VNN1: variants seen among roughly 807,000 people sequenced by gnomAD.
The protein encoded by VNN1 is vanin 1.
Under a neutral mutation model 41.9 loss-of-function variants are expected in VNN1, and 29 were observed. The observed-to-expected ratio is 0.69, with a 90% CI of 0.52 to 0.94. The LOEUF (loss-of-function observed/expected upper bound fraction) is 0.94. Ranked by LOEUF, VNN1 falls within the 40% of genes least tolerant of loss-of-function variation. The pLI is 0.00. For synonymous variants in VNN1, 233 were observed against 224.4 expected, an observed-to-expected ratio of 1.04 and a Z score of -0.34; for missense variants, 637 against 621.1, an observed-to-expected ratio of 1.03 and a Z score of -0.27.
At chr6:132,698,775 C>G in intron 2 of VNN1, 1 of 200,576 alleles carries the variant, frequency 5.0e-6, no homozygotes, top group East Asian at 1.3e-4. Context: ...GGCTCAATCA[C>G]TATCAAGATG....
In VNN1 at chr6:132,683,266, T is replaced by G. The variant is rs1450460438; in HGVS notation, c.1416A>C (p.Thr472=). Residue 472 remains threonine (T), a synonymous_variant, in exon 7 of 7, where the codon ACA becomes ACC. Transcript: ENST00000367928. ...CATACAACCTCCCAAACAGAGTTAC[T>G]GTTAAGACAGGTCCGGATGTTGGCT... ...SLKPTSGPVL[T]VTLFGRLYEK... 1 of 1,614,030 alleles carries G rather than the reference T, an allele frequency of 6.2e-7. No homozygotes were observed. Among genetic ancestry groups the G allele is most frequent in the Non-Finnish European group, 8.5e-7 (1 of 1,180,018 alleles).
chr6:132,697,708 T>C (rs906615657), intron 2 of VNN1, among the ~76,000 whole-genome samples: 18 of 151,656 alleles, frequency 1.2e-4, no homozygotes, highest in African/African-American at 3.9e-4. Flanking sequence ...AGGAAAGCCA[T>C]AGCAATCATC....
In VNN1 at chr6:132,682,822, T is replaced by A. The variant is rs1778145625; in HGVS notation, c.*318A>T. ...AGTGGTAACAAGAGCAGCCTCCTTG[T>A]AAGTAAATTTTATGATAGTTCTTAT... is the stretch of plus-strand genomic sequence containing the variant. On this transcript the variant is annotated 3_prime_UTR_variant, in exon 7 of 7. Transcript: ENST00000367928. The A allele has an allele frequency of 1.2e-5, 2 of 171,748 alleles. No individual in the cohort carries two copies. Among genetic ancestry groups the A allele is most frequent in the Non-Finnish European group, 2.4e-5 (2 of 81,698 alleles). The allele number at this position is 171,748 out of a possible 1,614,324, so 10.6% of individuals were successfully genotyped here. A position where few individuals can be genotyped will look rare whatever the true frequency, so the allele number is the denominator to read the frequency against.
chr6:132,693,725 C>T (rs995697180), intron 3 of VNN1, among the ~76,000 whole-genome samples: 4 of 152,120 alleles, frequency 2.6e-5, no homozygotes, highest in African/African-American at 9.7e-5. Flanking sequence ...AGGACAAAGT[C>T]CAAAAGGCAA....
Position 132,693,325 on chromosome 6 carries a change from A to G in VNN1, c.535-10T>C. Reference sequence around the variant, plus strand: ...CCATGAAAAGGTTTTGCTGCAATAAACAGAAGATAAAGAGAAAAAAATTAT... The same window carrying G: ...CCATGAAAAGGTTTTGCTGCAATAAGCAGAAGATAAAGAGAAAAAAATTAT... On this transcript the variant is annotated splice_polypyrimidine_tract_variant and intron_variant, in intron 3 of 6. Transcript: ENST00000367928. 1 of 1,582,008 alleles carries G rather than the reference A, an allele frequency of 6.3e-7. No homozygotes were observed. Among genetic ancestry groups the G allele is most frequent in the South Asian group, 1.2e-5 (1 of 85,754 alleles).
At position 132,705,055 on chromosome 6, in the gene VNN1, A is replaced by T. The variant is rs563928581; in HGVS notation, c.341+6654T>A. On this transcript the variant is annotated intron_variant, in intron 2 of 6. Coordinates refer to ENST00000367928, the MANE Select transcript of VNN1 (RefSeq NM_004666.3). ...CTGTAATAAAAGATCTCCCAGCAAA[A>T]AAAAGCCCAGGACTTAAAGGCTTCA... 1.2e-3 allele frequency among the ~76,000 whole-genome samples: 177 copies of T among 152,212 alleles called. 2 individuals carry two copies. Among genetic ancestry groups the T allele is most frequent in the Non-Finnish European group, 1.6e-3 (111 of 67,974 alleles).
intron 2 of VNN1, among the ~76,000 whole-genome samples, chr6:132,704,959 C>G (rs1481594992): frequency 6.6e-6 from 1 of 151,952 alleles, no homozygotes; most frequent in East Asian, 1.9e-4. Context: ...TAGACACATA[C>G]AGCCTACCAA....
chr6:132,705,798 GACAA>G (rs541013403), intron 2 of VNN1, among the ~76,000 whole-genome samples: 100 of 152,084 alleles, frequency 6.6e-4, no homozygotes, highest in African/African-American at 2.3e-3. Flanking sequence ...TAATAGAACT[GACAA>G]ACAAATTCAG....
intron 2 of VNN1, among the ~76,000 whole-genome samples, chr6:132,698,190 G>A (rs535083878): frequency 4.6e-5 from 7 of 152,328 alleles, no homozygotes; most frequent in African/African-American, 1.4e-4. Flanking sequence ...AATCCATGCA[G>A]AGTTTTGCCC....
chr6:132,706,048 A>T (rs577128139), intron 2 of VNN1, among the ~76,000 whole-genome samples: 1 of 152,278 alleles, frequency 6.6e-6, no homozygotes, highest in African/African-American at 2.4e-5. Flanking sequence ...CCATGTTCAT[A>T]GATTGGAAGA....
intron 2 of VNN1, among the ~76,000 whole-genome samples, chr6:132,707,676 A>G (rs937158813): frequency 6.6e-6 from 1 of 152,260 alleles, no homozygotes; most frequent in Non-Finnish European, 1.5e-5. Context: ...AAAGGCAAAC[A>G]TCACATGTTC....
At chr6:132,684,703 T>A (rs940180404) in intron 5 of VNN1, among the ~76,000 whole-genome samples, 198 bp from the exon 6 acceptor site, 3 of 151,560 alleles carry the variant, frequency 2.0e-5, no homozygotes, top group African/African-American at 7.3e-5. Context: ...AATAATTAAA[T>A]AAACTGCTAG....
At chr6:132,692,174 C>T in intron 5 of VNN1, 49 bp downstream of exon 5, 1 of 1,496,578 alleles carries the variant, frequency 6.7e-7, no homozygotes, top group Non-Finnish European at 8.9e-7. Context: ...GTATATTTAA[C>T]TGAGTGTCTT....
chr6:132,683,879 T>C (rs1015512029), intron 6 of VNN1, among the ~76,000 whole-genome samples: 2 of 152,216 alleles, frequency 1.3e-5, no homozygotes, highest in African/African-American at 4.8e-5. Flanking sequence ...AAGTTTTTGC[T>C]TTTTTGCTAA....
chr6:132,693,381 G>A (rs1778320993), intron 3 of VNN1, 66 bp from the exon 4 acceptor site: 2 of 1,439,882 alleles, frequency 1.4e-6, no homozygotes, highest in Non-Finnish European at 1.9e-6. Flanking sequence ...ATCACAGTGT[G>A]GGAAAAAGTA....
chr6:132,690,140 G>A (rs1002808558), intron 5 of VNN1, among the ~76,000 whole-genome samples: 1 of 152,084 alleles, frequency 6.6e-6, no homozygotes, highest in African/African-American at 2.4e-5. Context: ...AGTCTTTTGG[G>A]TCTTTGCTCC....
At chr6:132,685,464 A>G (rs561326980) in intron 5 of VNN1, among the ~76,000 whole-genome samples, 7 of 152,342 alleles carry the variant, frequency 4.6e-5, no homozygotes, top group African/African-American at 1.7e-4. Flanking sequence ...TAGAATGAAC[A>G]TATGCTTCAA....
At chr6:132,706,367 C>T (rs908906622) in intron 2 of VNN1, among the ~76,000 whole-genome samples, 1 of 152,118 alleles carries the variant, frequency 6.6e-6, no homozygotes, top group East Asian at 1.9e-4. Context: ...CTACAGTGAA[C>T]TCGTCTTCAA....
intron 5 of VNN1, among the ~76,000 whole-genome samples, chr6:132,689,541 T>A (rs1778254130): frequency 6.6e-6 from 1 of 152,044 alleles, no homozygotes; most frequent in Admixed American, 6.6e-5. Context: ...CCTCCAAGAG[T>A]CTCTACTTCC....
Sources: allele counts gnomAD v4.1 joint callset (sites outside exome capture counted in the v4.1 genomes callset), GRCh38; gene constraint gnomAD v4.1.1; transcripts MANE v1.5; gene names NCBI Gene and HGNC (gene_info 2026-07-23, HGNC 2026-07-21).